The following GATAD2B variants were observed in gnomAD, a reference collection of about 807,000 sequenced individuals.
The protein encoded by GATAD2B is transcriptional repressor p66-beta.
In GATAD2B, 8 loss-of-function variants were observed where a neutral mutation model predicts 64.3. That is an observed-to-expected ratio of 0.12 (90% CI 0.07 to 0.22). The LOEUF (loss-of-function observed/expected upper bound fraction) is 0.22. Among genes scored for constraint, GATAD2B ranks in the 10% least tolerant of loss-of-function variants. GATAD2B has a pLI of 1.00. For missense variants in GATAD2B, 453 were observed against 752.0 expected (o/e 0.60, Z 4.65); for synonymous variants, 281 against 271.3 (o/e 1.04, Z -0.35).
chr1:153,811,323 CAGT>C (rs1159264968), intron 10 of GATAD2B, among the ~76,000 whole-genome samples: 1 of 152,152 alleles, frequency 6.6e-6, no homozygotes, highest in East Asian at 1.9e-4. Context: ...ACAAGTGAAA[CAGT>C]GGTGAGAGGA....
At chr1:153,833,538 G>C (rs1034056678) in intron 1 of GATAD2B, among the ~76,000 whole-genome samples, 1 of 152,120 alleles carries the variant, frequency 6.6e-6, no homozygotes, top group African/African-American at 2.4e-5. Flanking sequence ...AATATTGCTG[G>C]GCATGGGGGC....
At chr1:153,834,382 T>C in intron 1 of GATAD2B, among the ~76,000 whole-genome samples, 1 of 151,848 alleles carries the variant, frequency 6.6e-6, no homozygotes, top group African/African-American at 2.4e-5. Context: ...GTAAAACTAT[T>C]AACATTTTTC....
At chr1:153,852,928 C>T (rs4845576) in intron 1 of GATAD2B, 250,680 of 823,164 alleles carry the variant, frequency 0.3, 40,943 homozygotes, top group Admixed American at 0.41. Context: ...CATTATCTGA[C>T]TTCCTAAGCT....
chr1:153,898,208 A>T (rs1677658355), intron 1 of GATAD2B, among the ~76,000 whole-genome samples: 1 of 150,446 alleles, frequency 6.6e-6, no homozygotes, highest in African/African-American at 2.4e-5. Flanking sequence ...AGAGAGGCTA[A>T]GGAGAGAGAG....
chr1:153,916,478 T>C (rs1366767230), intron 1 of GATAD2B, among the ~76,000 whole-genome samples: 3 of 152,034 alleles, frequency 2.0e-5, no homozygotes, highest in Non-Finnish European at 2.9e-5. Flanking sequence ...ACTCAATGAA[T>C]CACAGGGAAG....
At chr1:153,832,981 T>C (rs187542494) in intron 1 of GATAD2B, among the ~76,000 whole-genome samples, 1 of 152,182 alleles carries the variant, frequency 6.6e-6, no homozygotes, top group Non-Finnish European at 1.5e-5. Context: ...GAGGCTAATA[T>C]GGCTGGTGAC....
chr1:153,905,553 G>GAAAAAAAAA (rs769120730), intron 1 of GATAD2B, among the ~76,000 whole-genome samples: 7 of 64,648 alleles, frequency 1.1e-4, no homozygotes, highest in African/African-American at 2.3e-4. Context: ...AACAATTTTG[G>GAAAAAAAAA]AAAAAAAAAA....
At chr1:153,872,538 CAT>C (rs1676704196) in intron 1 of GATAD2B, among the ~76,000 whole-genome samples, 1 of 147,070 alleles carries the variant, frequency 6.8e-6, no homozygotes. Context: ...CGAAGGTTGA[CAT>C]ATTACATAAT....
At chr1:153,849,330 GTAAAGCCC>G (rs1675806728) in intron 1 of GATAD2B, among the ~76,000 whole-genome samples, 2 of 152,188 alleles carry the variant, frequency 1.3e-5, no homozygotes, top group East Asian at 3.9e-4. Flanking sequence ...ACCCATGAGG[GTAAAGCCC>G]TAACAACTTA....
intron 1 of GATAD2B, among the ~76,000 whole-genome samples, chr1:153,861,361 G>A (rs1294880431): frequency 6.6e-6 from 1 of 151,810 alleles, no homozygotes; most frequent in African/African-American, 2.4e-5. Context: ...AGACCAGCCT[G>A]GGCAACATAG....
intron 1 of GATAD2B, chr1:153,852,460 G>C: frequency 2.6e-6 from 2 of 758,444 alleles, no homozygotes; most frequent in Non-Finnish European, 4.9e-6. Context: ...TGCTAAGTCA[G>C]GTTGCAGGCA....
intron 1 of GATAD2B, chr1:153,852,867 C>G (rs995914287): frequency 2.6e-6 from 2 of 778,960 alleles, no homozygotes; most frequent in African/African-American, 3.4e-5. Context: ...ACTGTCCTAC[C>G]AAGAGCTCTG....
intron 1 of GATAD2B, among the ~76,000 whole-genome samples, chr1:153,874,054 T>C (rs1676749507): frequency 6.6e-6 from 1 of 152,018 alleles, no homozygotes; most frequent in African/African-American, 2.4e-5. Flanking sequence ...GGTCAAGAGA[T>C]CGTCTGAGAC....
At chr1:153,859,907 C>CTTTTTTTTTTTTTTTT (rs34557576) in intron 1 of GATAD2B, among the ~76,000 whole-genome samples, 1 of 60,876 alleles carries the variant, frequency 1.6e-5, no homozygotes, top group East Asian at 4.9e-4. Context: ...CTTTTCTTTT[C>CTTTTTTTTTTTTTTTT]TTTTTTTTTT....
chr1:153,821,086 T>C (rs1415712747), intron 2 of GATAD2B, among the ~76,000 whole-genome samples: 1 of 139,646 alleles, frequency 7.2e-6, no homozygotes, highest in Non-Finnish European at 1.5e-5. Flanking sequence ...CCCCAAGAGA[T>C]TCCCCCCGCC....
chr1:153,844,754 G>A (rs1476935187), intron 1 of GATAD2B, among the ~76,000 whole-genome samples: 1 of 118,500 alleles, frequency 8.4e-6, no homozygotes, highest in Non-Finnish European at 1.7e-5. Flanking sequence ...ACACTCTGGG[G>A]ACTGTGGTGG....
intron 1 of GATAD2B, among the ~76,000 whole-genome samples, chr1:153,863,026 C>CTTTT (rs569824122): frequency 1.3e-5 from 2 of 152,028 alleles, no homozygotes; most frequent in Admixed American, 1.3e-4. Flanking sequence ...GCCTGGCATA[C>CTTTT]TTTTTTTAAG....
chr1:153,817,471 T>G lies in GATAD2B; in HGVS notation c.801A>C (p.Ala267=). 1 of 1,613,482 alleles carries G rather than the reference T, an allele frequency of 6.2e-7. No individual in the cohort carries two copies. The highest frequency in any genetic ancestry group is 8.5e-7 in the Non-Finnish European group (1 of 1,179,840). The part of the protein sequence containing the change: ...PHMLMSQRVI[A]PNPAQLQGQR... ...GACCCTGTAGCTGGGCTGGGTTTGGTGCAATAACACGTTGAGACATCAACA... is the reference window on the plus strand; with the variant it reads ...GACCCTGTAGCTGGGCTGGGTTTGGGGCAATAACACGTTGAGACATCAACA... The change falls in exon 6 of 11, where the codon GCA becomes GCC. Residue 267 remains alanine (A), a synonymous_variant. Transcript: ENST00000368655.
chr1:153,852,567 A>G (rs1675939042), intron 1 of GATAD2B: 1 of 772,352 alleles, frequency 1.3e-6, no homozygotes, highest in South Asian at 1.3e-5. Context: ...TGAGAGCTAG[A>G]GCTTATCCTG....
Sources: gnomAD v4.1 joint callset for allele counts (sites outside exome capture counted in the v4.1 genomes callset) on GRCh38, gnomAD v4.1.1 for gene constraint, MANE v1.5 for transcripts, NCBI Gene and HGNC (gene_info 2026-07-23, HGNC 2026-07-21) for gene names.